Variants in TAFA4 observed in about 807,000 individuals in gnomAD.
The protein encoded by TAFA4 is chemokine-like protein TAFA-4.
A neutral mutation model predicts 21.1 loss-of-function variants in TAFA4; 20 were observed. The ratio of observed to expected loss-of-function variants is 0.95; its 90% CI spans 0.67 to 1.38. TAFA4 has a LOEUF of 1.38. Ranked by LOEUF, TAFA4 falls within the 40% of genes most tolerant of loss-of-function variation. The pLI is 0.00. For missense variants in TAFA4, 211 were observed against 180.9 expected (o/e 1.17, Z -0.95); for synonymous variants, 71 against 67.4 (o/e 1.05, Z -0.26).
chr3:68,898,976 C>T (rs758549226), intron 1 of TAFA4, among the ~76,000 whole-genome samples: 3 of 152,066 alleles, frequency 2.0e-5, no homozygotes, highest in Admixed American at 6.5e-5. Context: ...CAAGACCTTC[C>T]GAAGACTGAA....
At chr3:68,787,255 G>A (rs76489979) in intron 3 of TAFA4, among the ~76,000 whole-genome samples, 12,806 of 151,954 alleles carry the variant, frequency 0.084, 656 homozygotes, top group African/African-American at 0.13. Flanking sequence ...AGTATTCAGC[G>A]GAGACTGAAA....
At chr3:68,897,698 T>G (rs1309749304) in intron 1 of TAFA4, among the ~76,000 whole-genome samples, 2 of 152,192 alleles carry the variant, frequency 1.3e-5, no homozygotes, top group Non-Finnish European at 2.9e-5. Flanking sequence ...CTCTCAAATC[T>G]GTTTTGATGA....
At chr3:68,761,122 T>C (rs749911477) in intron 3 of TAFA4, among the ~76,000 whole-genome samples, 6 of 152,212 alleles carry the variant, frequency 3.9e-5, no homozygotes, top group Non-Finnish European at 8.8e-5. Flanking sequence ...CTTAGGTAAT[T>C]TGATTAAGCC....
chr3:68,882,918 G>A (rs924719511), intron 2 of TAFA4: 2 of 152,230 alleles, frequency 1.3e-5, no homozygotes, highest in Non-Finnish European at 2.9e-5. Flanking sequence ...AGTTTAGAAT[G>A]TTAGCAATGT....
At chr3:68,836,491 A>T (rs1704525754) in intron 3 of TAFA4, among the ~76,000 whole-genome samples, 1 of 152,228 alleles carries the variant, frequency 6.6e-6, no homozygotes, top group South Asian at 2.1e-4. Context: ...ACTAAACTGT[A>T]TCATTGGTTA....
In TAFA4 at chr3:68,848,511, C is replaced by T. The variant is rs188702386; in HGVS notation, c.130+32219G>A. Among the ~76,000 whole-genome samples, 43 of 152,300 alleles carry T rather than the reference C, an allele frequency of 2.8e-4. 2 individuals are homozygous for T. In the East Asian group the frequency reaches 7.3e-3, roughly 26 times the overall value. ...AAATCAATATAGTAAAAACTGTCAG[C>T]AGCCTTTTCAACCTACTTTACAGCC... On this transcript the variant is annotated intron_variant, in intron 3 of 5. Transcript: ENST00000295569.
chr3:68,765,833 C>G (rs537440915), intron 3 of TAFA4, among the ~76,000 whole-genome samples: 2 of 152,086 alleles, frequency 1.3e-5, no homozygotes, highest in South Asian at 4.2e-4. Context: ...AAGTGGATAC[C>G]GAGGGGAAGA....
chr3:68,872,902 C>T (rs2089499934), intron 3 of TAFA4, among the ~76,000 whole-genome samples: 1 of 152,098 alleles, frequency 6.6e-6, no homozygotes, highest in Non-Finnish European at 1.5e-5. Flanking sequence ...AGCATTTTGA[C>T]TTCATGTTAA....
intron 3 of TAFA4, among the ~76,000 whole-genome samples, chr3:68,865,790 A>C (rs1400368206): frequency 6.6e-6 from 1 of 152,082 alleles, no homozygotes; most frequent in Non-Finnish European, 1.5e-5. Flanking sequence ...AACTATAGGC[A>C]CTTACCACAC....
At position 68,931,629 on chromosome 3, in the gene TAFA4, C is replaced by T. The variant is rs531403212; in HGVS notation, c.-123+611G>A. On this transcript the variant is annotated intron_variant, in intron 1 of 5. Transcript: ENST00000295569. ...ACCTTGGTGGGCAAATCTGAGATGC[C>T]TCCCGCGGAAAGAGACGCAACTTCC... Among the ~76,000 whole-genome samples the T allele has an allele frequency of 8.5e-5, 13 of 152,310 alleles. 1 individual carries two copies. The highest frequency in any genetic ancestry group is 3.1e-4 in the African/African-American group (13 of 41,570).
chr3:68,793,849 C>T (rs780523849), intron 3 of TAFA4, among the ~76,000 whole-genome samples: 1 of 152,096 alleles, frequency 6.6e-6, no homozygotes, highest in Admixed American at 6.6e-5. Context: ...CTTTACCTGC[C>T]GGTCTATATA....
chr3:68,928,935 T>G (rs2090134593), intron 1 of TAFA4, among the ~76,000 whole-genome samples: 1 of 152,052 alleles, frequency 6.6e-6, no homozygotes, highest in Non-Finnish European at 1.5e-5. Context: ...CTTTCTAGAT[T>G]TAAAATTCTT....
chr3:68,926,729 G>A (rs1054056310), intron 1 of TAFA4, among the ~76,000 whole-genome samples: 6 of 152,096 alleles, frequency 3.9e-5, no homozygotes, highest in African/African-American at 7.2e-5. Flanking sequence ...CCTGGCCAAC[G>A]TGGTGAAACC....
intron 3 of TAFA4, among the ~76,000 whole-genome samples, chr3:68,841,827 G>A (rs902252073): frequency 6.6e-6 from 1 of 152,018 alleles, no homozygotes; most frequent in Non-Finnish European, 1.5e-5. Flanking sequence ...ATATTTTGCT[G>A]AGAATGATGG....
At chr3:68,776,221 G>A (rs1399436307) in intron 3 of TAFA4, among the ~76,000 whole-genome samples, 2 of 152,038 alleles carry the variant, frequency 1.3e-5, no homozygotes, top group South Asian at 2.1e-4. Context: ...TCAATTAAAA[G>A]GTAGAGACCG....
chr3:68,827,285 T>C (rs1255945257), intron 3 of TAFA4, among the ~76,000 whole-genome samples: 1 of 152,214 alleles, frequency 6.6e-6, no homozygotes, highest in African/African-American at 2.4e-5. Flanking sequence ...CAGTCTATTA[T>C]TGATGGACAT....
intron 3 of TAFA4, among the ~76,000 whole-genome samples, chr3:68,819,292 A>C (rs1361988710): frequency 1.3e-5 from 2 of 151,282 alleles, no homozygotes; most frequent in Admixed American, 1.3e-4. Flanking sequence ...AAAAAAAAAA[A>C]AAAAAAAGCA....
intron 1 of TAFA4, among the ~76,000 whole-genome samples, chr3:68,919,531 C>T (rs964377420): frequency 3.3e-5 from 5 of 152,010 alleles, no homozygotes; most frequent in African/African-American, 9.7e-5. Flanking sequence ...CAGCGCTGTC[C>T]GATCGGGCAG....
chr3:68,777,669 G>A (rs1017119733), intron 3 of TAFA4, among the ~76,000 whole-genome samples: 21 of 152,074 alleles, frequency 1.4e-4, no homozygotes, highest in African/African-American at 5.1e-4. Context: ...AACAAATTAA[G>A]AATATATAAA....
Sources: allele counts gnomAD v4.1 joint callset (sites outside exome capture counted in the v4.1 genomes callset), GRCh38; gene constraint gnomAD v4.1.1; transcripts MANE v1.5; gene names NCBI Gene and HGNC (gene_info 2026-07-23, HGNC 2026-07-21).